Variants in APP observed in about 807,000 individuals in gnomAD.
The protein encoded by APP is amyloid-beta precursor protein.
A neutral mutation model predicts 101.4 loss-of-function variants in APP; 31 were observed. The ratio of observed to expected loss-of-function variants is 0.31; its 90% CI spans 0.23 to 0.41. The LOEUF is 0.41. Ranked by LOEUF, APP falls within the 10% of genes least tolerant of loss-of-function variation. APP has a pLI of 1.00. For synonymous variants in APP, 366 were observed against 364.4 expected, an observed-to-expected ratio of 1.00 and a Z score of -0.05; for missense variants, 839 against 1,003.7, an observed-to-expected ratio of 0.84 and a Z score of 2.22.
intron 1 of APP, among the ~76,000 whole-genome samples, chr21:26,118,805 G>A (rs904191519): frequency 6.6e-6 from 1 of 151,908 alleles, no homozygotes; most frequent in African/African-American, 2.4e-5. Context: ...CTCCCAAAGT[G>A]CTGGGATTAT....
rs1273794605 is a variant in APP at position 25,881,168 on chromosome 21, A to G, written c.*502T>C. 1 of 194,798 alleles carries G rather than the reference A, an allele frequency of 5.1e-6. No individual in the cohort carries two copies. The highest frequency in any genetic ancestry group is 1.1e-5 in the Non-Finnish European group (1 of 93,116). The allele number at this position is 194,798 out of a possible 1,614,324, so 12.1% of individuals were successfully genotyped here. A position where few individuals can be genotyped will look rare whatever the true frequency, so the allele number is the denominator to read the frequency against. Reference sequence around the variant, plus strand: ...GCAGTCATGGAAAAAAAATCTCTCTAAAGCATCTGAAATACTTAAAAATGT... The same window carrying G: ...GCAGTCATGGAAAAAAAATCTCTCTGAAGCATCTGAAATACTTAAAAATGT... On this transcript the variant is annotated 3_prime_UTR_variant, in exon 18 of 18. Transcript: ENST00000346798.
intron 11 of APP, among the ~76,000 whole-genome samples, chr21:25,968,628 T>C (rs2146541288): frequency 6.6e-6 from 1 of 152,210 alleles, no homozygotes; most frequent in South Asian, 2.1e-4. Context: ...GGAAATGAAA[T>C]TCATTAGTAG....
intron 1 of APP, among the ~76,000 whole-genome samples, chr21:26,163,341 G>C (rs2063539121): frequency 2.0e-5 from 3 of 148,680 alleles, no homozygotes. Context: ...TTCTGACTTT[G>C]TGAAGAAAAA....
intron 11 of APP, among the ~76,000 whole-genome samples, chr21:25,969,047 T>C (rs528690915): frequency 6.6e-6 from 1 of 152,134 alleles, no homozygotes; most frequent in East Asian, 1.9e-4. Context: ...AAGAGGAAGG[T>C]ATAAAAGTCC....
intron 13 of APP, among the ~76,000 whole-genome samples, chr21:25,932,061 A>G (rs1366541173): frequency 2.0e-5 from 3 of 152,340 alleles, no homozygotes; most frequent in East Asian, 3.9e-4. Context: ...AATTCTTTGT[A>G]TTGTCTAATT....
intron 15 of APP, among the ~76,000 whole-genome samples, chr21:25,898,591 A>T (rs971274384): frequency 6.6e-6 from 1 of 152,168 alleles, no homozygotes; most frequent in Non-Finnish European, 1.5e-5. Flanking sequence ...ACATAGAGGA[A>T]TGTATCAATT....
chr21:26,079,095 T>C (rs533161497), intron 3 of APP, among the ~76,000 whole-genome samples: 14 of 152,142 alleles, frequency 9.2e-5, no homozygotes, highest in Non-Finnish European at 1.3e-4. Context: ...AGATTTTTAT[T>C]TGCTTTGGAA....
chr21:25,955,894 T>A, intron 11 of APP, 139 bp from the exon 12 acceptor site: 1 of 1,220,790 alleles, frequency 8.2e-7, no homozygotes. Context: ...GTCTGCCTTC[T>A]AAACATTTCT....
intron 3 of APP, among the ~76,000 whole-genome samples, chr21:26,063,451 A>C (rs1568928927): frequency 6.6e-6 from 1 of 152,122 alleles, no homozygotes; most frequent in Non-Finnish European, 1.5e-5. Flanking sequence ...AAAAGGAACA[A>C]GGGCTCCTTG....
intron 1 of APP, among the ~76,000 whole-genome samples, chr21:26,136,085 C>T (rs1449817508): frequency 6.8e-6 from 1 of 147,080 alleles, no homozygotes; most frequent in Non-Finnish European, 1.5e-5. Flanking sequence ...AAGCCAAGAT[C>T]ACACCATTGC....
chr21:26,075,530 GTTT>G (rs1356237269), intron 3 of APP, among the ~76,000 whole-genome samples: 1 of 152,296 alleles, frequency 6.6e-6, no homozygotes, highest in African/African-American at 2.4e-5. Context: ...AGTATAATCA[GTTT>G]TTTCCCCAAT....
intron 5 of APP, among the ~76,000 whole-genome samples, chr21:26,046,039 C>T (rs1848693737): frequency 6.6e-6 from 1 of 152,050 alleles, no homozygotes; most frequent in Admixed American, 6.6e-5. Context: ...TTAAAACCAT[C>T]AGATCTCGTG....
At chr21:25,990,206 C>T (rs1441060154) in intron 8 of APP, among the ~76,000 whole-genome samples, 4 of 152,194 alleles carry the variant, frequency 2.6e-5, no homozygotes, top group Non-Finnish European at 5.9e-5. Flanking sequence ...CAATGCATCA[C>T]ATGGACATAA....
intron 9 of APP, among the ~76,000 whole-genome samples, chr21:25,979,303 C>T (rs1235414389): frequency 1.3e-5 from 2 of 152,186 alleles, no homozygotes; most frequent in Non-Finnish European, 1.5e-5. Flanking sequence ...ATTCTCAGGA[C>T]CTGGCCCTTG....
intron 14 of APP, among the ~76,000 whole-genome samples, chr21:25,909,254 G>A (rs183800095): frequency 9.0e-5 from 12 of 133,798 alleles, no homozygotes; most frequent in Middle Eastern, 4.8e-3. Flanking sequence ...GCGACAGAGC[G>A]AGACTCCGTC....
rs536359079 is a variant in APP at position 25,957,204 on chromosome 21, A to C, written c.1459-1449T>G. 9.2e-5 allele frequency among the ~76,000 whole-genome samples: 14 copies of C among 152,356 alleles called. No individual in the cohort carries two copies. In the South Asian group the frequency reaches 2.9e-3, roughly 32 times the overall value. ...ATCACAGCTTGCAACAGTTCTTGGC[A>C]ACTTATTACAACTCTCATCTGAACT... On this transcript the variant is annotated intron_variant, in intron 11 of 17. Coordinates refer to ENST00000346798, the MANE Select transcript of APP (RefSeq NM_000484.4).
intron 6 of APP, among the ~76,000 whole-genome samples, chr21:26,020,752 T>C (rs976176379): frequency 6.6e-6 from 1 of 152,176 alleles, no homozygotes; most frequent in Non-Finnish European, 1.5e-5. Context: ...AAGGAACAAA[T>C]GCATACTCTT....
chr21:25,963,419 AG>A (rs1280043376), intron 11 of APP, among the ~76,000 whole-genome samples: 2 of 152,220 alleles, frequency 1.3e-5, no homozygotes, highest in East Asian at 3.8e-4. Flanking sequence ...TATGGAAGGC[AG>A]TGAAGTGTCA....
intron 8 of APP, among the ~76,000 whole-genome samples, chr21:25,989,017 T>A (rs1021549579): frequency 6.6e-6 from 1 of 152,164 alleles, no homozygotes; most frequent in Non-Finnish European, 1.5e-5. Flanking sequence ...GTAACACAGG[T>A]TAGCTTTCAG....
Sources: allele counts gnomAD v4.1 joint callset (sites outside exome capture counted in the v4.1 genomes callset), GRCh38; gene constraint gnomAD v4.1.1; transcripts MANE v1.5; gene names NCBI Gene and HGNC (gene_info 2026-07-23, HGNC 2026-07-21).